TANC1: variants seen among roughly 807,000 people sequenced by gnomAD.
TANC1 encodes tetratricopeptide repeat, ankyrin repeat and coiled-coil containing 1, also known as protein TANC1.
Under a neutral mutation model 149.7 loss-of-function variants are expected in TANC1, and 77 were observed. The ratio of observed to expected loss-of-function variants is 0.51; its 90% CI spans 0.43 to 0.62. The LOEUF is 0.62. Ranked by LOEUF, TANC1 falls within the 20% of genes least tolerant of loss-of-function variation. The pLI is 0.00. For missense variants in TANC1, 1,985 were observed against 2,321.8 expected (o/e 0.85, Z 2.98); for synonymous variants, 854 against 925.0 (o/e 0.92, Z 1.39).
At chr2:159,145,843 A>G (rs1174370294) in intron 5 of TANC1, among the ~76,000 whole-genome samples, 2 of 152,214 alleles carry the variant, frequency 1.3e-5, no homozygotes, top group Non-Finnish European at 1.5e-5. Flanking sequence ...CTCATCTCCA[A>G]ATAAAGCCAT....
intron 1 of TANC1, among the ~76,000 whole-genome samples, chr2:158,988,287 A>G (rs2035236301): frequency 6.7e-6 from 1 of 149,158 alleles, no homozygotes; most frequent in Non-Finnish European, 1.5e-5. Context: ...AGATCGGGCC[A>G]CTGTACTCCA....
chr2:159,029,131 T>C (rs1048613804), intron 2 of TANC1, among the ~76,000 whole-genome samples: 3 of 152,354 alleles, frequency 2.0e-5, no homozygotes, highest in Admixed American at 2.0e-4. Context: ...TTTATTTCTC[T>C]TGTGTGATGT....
At chr2:159,004,171 G>A (rs2036907989) in intron 2 of TANC1, 1 of 1,612,484 alleles carries the variant, frequency 6.2e-7, no homozygotes. Context: ...GGTGCTGACA[G>A]TTTAACAAGC....
chr2:159,044,541 A>G (rs1290616070), intron 2 of TANC1, among the ~76,000 whole-genome samples: 2 of 151,936 alleles, frequency 1.3e-5, no homozygotes, highest in Non-Finnish European at 2.9e-5. Context: ...CCTAGCATCT[A>G]GTAGGACTCA....
At chr2:159,051,651 TTGTGTGTGTGTGTGTGTGTG>T (rs58015346) in intron 2 of TANC1, among the ~76,000 whole-genome samples, 67 of 142,966 alleles carry the variant, frequency 4.7e-4, no homozygotes, top group Non-Finnish European at 8.6e-4. Context: ...GAAGTGGTGT[TTGTGTGTGTGTGTGTGTGTG>T]TGTGTGTGTG....
intron 4 of TANC1, among the ~76,000 whole-genome samples, chr2:159,102,939 C>T (rs182788851): frequency 0.029 from 2,513 of 86,700 alleles, 486 homozygotes; most frequent in African/African-American, 0.076. Flanking sequence ...AGGATGGTCT[C>T]GATCTCCTGA....
At chr2:159,089,125 C>G (rs1314936858) in intron 3 of TANC1, among the ~76,000 whole-genome samples, 1 of 152,108 alleles carries the variant, frequency 6.6e-6, no homozygotes, top group Admixed American at 6.5e-5. Flanking sequence ...CTATCCTCCC[C>G]CTTCCACAGT....
intron 2 of TANC1, among the ~76,000 whole-genome samples, chr2:159,047,193 C>CCG (rs2041134026): frequency 6.6e-6 from 1 of 150,440 alleles, no homozygotes; most frequent in Non-Finnish European, 1.5e-5. Flanking sequence ...TCATTTCCCC[C>CCG]CCCCAGTTAT....
chr2:159,065,175 G>A (rs1332688663), intron 2 of TANC1, among the ~76,000 whole-genome samples: 1 of 152,096 alleles, frequency 6.6e-6, no homozygotes, highest in Admixed American at 6.6e-5. Flanking sequence ...TTAGACCTGG[G>A]CCATTGTGTT....
chr2:159,192,186 C>T (rs1338904626), intron 16 of TANC1, among the ~76,000 whole-genome samples: 2 of 152,192 alleles, frequency 1.3e-5, no homozygotes, highest in Non-Finnish European at 2.9e-5. Context: ...CAGTATTATG[C>T]TGCGGACAAT....
At chr2:159,183,337 C>T (rs555927910) in intron 14 of TANC1, among the ~76,000 whole-genome samples, 1 of 152,312 alleles carries the variant, frequency 6.6e-6, no homozygotes, top group South Asian at 2.1e-4. Flanking sequence ...CAGACAGGTT[C>T]CAGCGCCAGG....
intron 7 of TANC1, among the ~76,000 whole-genome samples, chr2:159,151,798 T>A (rs1043991728): frequency 1.3e-5 from 2 of 152,226 alleles, no homozygotes; most frequent in African/African-American, 4.8e-5. Flanking sequence ...TGAATCAGAA[T>A]CTTTAATGGA....
chr2:159,158,192 C>CA (rs2053633253), intron 7 of TANC1, among the ~76,000 whole-genome samples: 1 of 151,680 alleles, frequency 6.6e-6, no homozygotes, highest in Admixed American at 6.6e-5. Context: ...TTTGTTTCTA[C>CA]AAAAAAACTT....
rs148592990 is a variant in TANC1 at position 159,104,919 on chromosome 2, G to A, written c.259+7085G>A. Among the ~76,000 whole-genome samples, 949 of 103,850 alleles carry A rather than the reference G, an allele frequency of 9.1e-3. 47 individuals are homozygous for A. The highest frequency in any genetic ancestry group is 0.028 in the African/African-American group (893 of 32,286). The allele number at this position is 103,850 out of a possible 152,430, so 68.1% of individuals were successfully genotyped here. ...AGTTTACTTGAAGAGTTTGATATTT[G>A]TTGTCCATTGTTTCAGTATCTTATA... On this transcript the variant is annotated intron_variant, in intron 4 of 26. Coordinates refer to ENST00000263635, the MANE Select transcript of TANC1 (RefSeq NM_033394.3).
intron 1 of TANC1, among the ~76,000 whole-genome samples, chr2:158,995,452 AGGTTATCT>A (rs1400205990): frequency 9.2e-5 from 14 of 152,184 alleles, no homozygotes; most frequent in Non-Finnish European, 5.9e-5. Flanking sequence ...CAGCCACTTG[AGGTTATCT>A]GGTGCTAGAG....
chr2:159,153,072 A>G (rs1166315132), intron 7 of TANC1, among the ~76,000 whole-genome samples: 1 of 152,190 alleles, frequency 6.6e-6, no homozygotes, highest in Non-Finnish European at 1.5e-5. Flanking sequence ...TTCTCTCCAG[A>G]TGTAAACAGG....
In TANC1 at chr2:158,968,696, A is replaced by C. The variant is rs2032314863; in HGVS notation, c.-212A>C. On this transcript the variant is annotated 5_prime_UTR_variant, in exon 1 of 27. Coordinates refer to ENST00000263635, the MANE Select transcript of TANC1 (RefSeq NM_033394.3). ...CCGCCTCGGGAGCCGGAGGAGAGGC[A>C]GCCGCGGAGCGCCGAGCTGGCCTCG... 6.6e-6 allele frequency: 1 copy of C among 152,294 alleles called. No homozygotes were observed. The allele number at this position is 152,294 out of a possible 1,614,324, so 9.4% of individuals were successfully genotyped here.
intron 2 of TANC1, among the ~76,000 whole-genome samples, chr2:159,011,861 G>C (rs369637682): frequency 2.0e-5 from 3 of 152,188 alleles, no homozygotes; most frequent in African/African-American, 4.8e-5. Context: ...GGCCATCAAG[G>C]CTTCCCATGT....
In TANC1 at chr2:159,197,211, G is replaced by A. The variant is rs531588853; in HGVS notation, c.3165+418G>A. ...TATTTGAAGGATTTTTAAAAATAGA[G>A]CTTTAATGCTTTGATAGCACACAAG... On this transcript the variant is annotated intron_variant, in intron 18 of 26. Coordinates refer to ENST00000263635, the MANE Select transcript of TANC1 (RefSeq NM_033394.3). 2.0e-5 allele frequency among the ~76,000 whole-genome samples: 3 copies of A among 152,252 alleles called. No homozygotes were observed. The South Asian group carries it at 6.2e-4, about 32-fold the overall frequency.
Sources: allele counts gnomAD v4.1 joint callset (sites outside exome capture counted in the v4.1 genomes callset), GRCh38; gene constraint gnomAD v4.1.1; transcripts MANE v1.5; gene names NCBI Gene and HGNC (gene_info 2026-07-23, HGNC 2026-07-21).